WDR11: variants seen among roughly 807,000 people sequenced by gnomAD.
WDR11 encodes WD repeat domain 11, also known as WD repeat-containing protein 11.
In WDR11, 83 loss-of-function variants were observed where a neutral mutation model predicts 151.2. The ratio of observed to expected loss-of-function variants is 0.55; its 90% CI spans 0.46 to 0.66. The LOEUF (loss-of-function observed/expected upper bound fraction) is 0.66, where lower values mean the gene tolerates loss of function less well. WDR11 is among the 30% of genes least tolerant of loss of function. The pLI is 0.00. For synonymous variants in WDR11, 484 were observed against 533.1 expected, an observed-to-expected ratio of 0.91 and a Z score of 1.27; for missense variants, 1,301 against 1,480.9, an observed-to-expected ratio of 0.88 and a Z score of 1.99.
intron 10 of WDR11, among the ~76,000 whole-genome samples, chr10:120,873,402 GACAAA>G (rs1229056868): frequency 6.6e-6 from 1 of 152,266 alleles, no homozygotes; most frequent in South Asian, 2.1e-4. Flanking sequence ...TAATAAAAGA[GACAAA>G]ACAAAAAGAA....
chr10:120,884,542 C>T (rs74158337), intron 14 of WDR11, among the ~76,000 whole-genome samples: 4,028 of 150,422 alleles, frequency 0.027, 209 homozygotes, highest in African/African-American at 0.094. Flanking sequence ...TTGAATATAA[C>T]AAAATACAAA....
At chr10:120,886,668 A>C (rs750161696) in intron 15 of WDR11, 21 bp from the exon 16 acceptor site, 1 of 1,612,242 alleles carries the variant, frequency 6.2e-7, no homozygotes, top group East Asian at 2.2e-5. Context: ...CATCTTTATC[A>C]TATGTTTCAC....
At chr10:120,856,044 C>T (rs1184934258) in intron 2 of WDR11, 2 of 152,170 alleles carry the variant, frequency 1.3e-5, no homozygotes, top group Non-Finnish European at 2.9e-5. Flanking sequence ...CCCTACACTG[C>T]CCCTTGGCAT....
chr10:120,890,524 T>C (rs1250803407), intron 18 of WDR11, among the ~76,000 whole-genome samples, 192 bp from the exon 19 acceptor site: 1 of 152,222 alleles, frequency 6.6e-6, no homozygotes. Context: ...GATTTATTTA[T>C]TTTTTAATAT....
At chr10:120,895,443 C>A (rs1373868921) in intron 19 of WDR11, among the ~76,000 whole-genome samples, 1 of 151,948 alleles carries the variant, frequency 6.6e-6, no homozygotes, top group African/African-American at 2.4e-5. Flanking sequence ...AGATAAGCCT[C>A]ATTTTTCCAA....
At chr10:120,851,540 G>A in intron 1 of WDR11, 34 bp downstream of exon 1, 3 of 1,597,744 alleles carry the variant, frequency 1.9e-6, no homozygotes, top group Non-Finnish European at 2.6e-6. Flanking sequence ...CGCCAGGATC[G>A]GCCAGGAATG....
intron 3 of WDR11, 55 bp downstream of exon 3, chr10:120,858,851 G>T: frequency 6.2e-7 from 1 of 1,607,666 alleles, no homozygotes; most frequent in South Asian, 1.1e-5. Context: ...CTCTTGGAGT[G>T]GTTTTTTGGT....
Position 120,885,914 on chromosome 10 carries a change from G to A in WDR11, c.1949G>A (p.Ser650Asn). 6.2e-7 allele frequency: 1 copy of A among 1,613,722 alleles called. No individual in the cohort carries two copies. Among genetic ancestry groups the A allele is most frequent in the East Asian group, 2.2e-5 (1 of 44,868 alleles). ...RQTVVSDTEL[S>N]IVESSVISLL... ...ACCGTAGTCTCAGACACAGAGCTGAGTATTGTTGAATCATCTGTGATCAGG... is the reference window on the plus strand; with the variant it reads ...ACCGTAGTCTCAGACACAGAGCTGAATATTGTTGAATCATCTGTGATCAGG... Residue 650 changes from serine (S) to asparagine (N), a missense_variant, in exon 15 of 29, where the codon AGT (serine) becomes AAT (asparagine). Ser to Asn is a conservative substitution (Grantham distance 46, BLOSUM62 1). Coordinates refer to ENST00000263461, the MANE Select transcript of WDR11 (RefSeq NM_018117.12).
rs539898695 is a variant in WDR11 at position 120,905,310 on chromosome 10, G to T, written c.3194-9G>T. ...GTGTCACTTAAGGGGATGCGCTTTT[G>T]TCTTTCAGAGGGCGTTCAGTTGCTC... On this transcript the variant is annotated splice_polypyrimidine_tract_variant and intron_variant, in intron 25 of 28. Transcript: ENST00000263461. The T allele has an allele frequency of 6.2e-7, 1 of 1,613,876 alleles. No homozygotes were observed. Among genetic ancestry groups the T allele is most frequent in the African/African-American group, 1.3e-5 (1 of 75,040 alleles).
chr10:120,903,678 C>T (rs965945527), intron 23 of WDR11, among the ~76,000 whole-genome samples: 1 of 152,034 alleles, frequency 6.6e-6, no homozygotes, highest in Non-Finnish European at 1.5e-5. Flanking sequence ...TTTAACTTGG[C>T]TTCATTTTAA....
intron 14 of WDR11, 38 bp from the exon 15 acceptor site, chr10:120,885,776 A>G (rs1405802207): frequency 1.2e-6 from 2 of 1,611,962 alleles, no homozygotes; most frequent in African/African-American, 2.7e-5. Context: ...ACAGAAGGAA[A>G]CCTAGCACTT....
At chr10:120,875,043 C>T (rs1846717492) in intron 11 of WDR11, among the ~76,000 whole-genome samples, 1 of 151,914 alleles carries the variant, frequency 6.6e-6, no homozygotes, top group Admixed American at 6.6e-5. Flanking sequence ...TCAACTCCCA[C>T]TTATGAGTGA....
rs754218379 is a variant in WDR11, at chr10:120,862,774, C to A, written c.566C>A (p.Ser189Tyr). The A allele has an allele frequency of 6.2e-7, 1 of 1,614,144 alleles. No homozygotes were observed. The highest frequency in any genetic ancestry group is 1.7e-5 in the Admixed American group (1 of 60,018). Reference protein sequence around the residue: ...SEGIVFISDFSPSKPPSGPGK... With the variant: ...SEGIVFISDFYPSKPPSGPGK... The stretch of plus-strand genomic sequence containing the variant: ...GGTATTGTTTTCATCTCAGACTTCT[C>A]CCCATCCAAGCCTCCCTCAGGCCCT... The change falls in exon 5 of 29, where the codon TCC becomes TAC. Residue 189 changes from serine (S) to tyrosine (Y), a missense_variant. By Grantham distance (144) the Ser-to-Tyr change is moderately radical. Transcript: ENST00000263461.
chr10:120,905,283 C>T, intron 25 of WDR11, 36 bp from the exon 26 acceptor site: 1 of 1,597,680 alleles, frequency 6.3e-7, no homozygotes, highest in Non-Finnish European at 8.6e-7. Context: ...GAAGGAGCTG[C>T]AGTGTCACTT....
At chr10:120,858,946 C>A (rs753909203) in intron 3 of WDR11, 150 bp downstream of exon 3, 3 of 963,996 alleles carry the variant, frequency 3.1e-6, no homozygotes, top group Non-Finnish European at 4.8e-6. Context: ...TGATCTAAAT[C>A]TGGCTTTCTG....
At chr10:120,887,059 T>G (rs1479652355) in intron 16 of WDR11, among the ~76,000 whole-genome samples, 1 of 152,220 alleles carries the variant, frequency 6.6e-6, no homozygotes, top group Non-Finnish European at 1.5e-5. Flanking sequence ...ATCCCTGTAA[T>G]AATCCATGAG....
At position 120,908,848 on chromosome 10, in the gene WDR11, A is replaced by G. The variant is rs1379889786; in HGVS notation, c.*135A>G. The G allele has an allele frequency of 7.1e-6, 6 of 851,050 alleles. No homozygotes were observed. The highest frequency in any genetic ancestry group is 6.3e-5 in the Admixed American group (3 of 47,812). The allele number at this position is 851,050 out of a possible 1,614,324, so 52.7% of individuals were successfully genotyped here. A position where few individuals can be genotyped will look rare whatever the true frequency, so the allele number is the denominator to read the frequency against. ...GCTGTTTGACCACTGTTCTAAGACT[A>G]TGTGTGCCCAAAAGCACATAAGCAT... On this transcript the variant is annotated 3_prime_UTR_variant, in exon 29 of 29. Coordinates refer to ENST00000263461, the MANE Select transcript of WDR11 (RefSeq NM_018117.12).
intron 2 of WDR11, among the ~76,000 whole-genome samples, chr10:120,854,714 G>A (rs1167341624): frequency 2.0e-5 from 3 of 152,146 alleles, no homozygotes; most frequent in Admixed American, 2.0e-4. Flanking sequence ...GATTCTCATT[G>A]TGGCTTTGGT....
In WDR11 at chr10:120,851,486, C is replaced by CA; in HGVS notation, c.68dup (p.Asn23LysfsTer25). 6.2e-7 allele frequency: 1 copy of CA among 1,611,988 alleles called. No individual in the cohort carries two copies. Among genetic ancestry groups the CA allele is most frequent in the Non-Finnish European group, 8.5e-7 (1 of 1,179,684 alleles). On this transcript the variant is annotated frameshift_variant, in exon 1 of 29. Coordinates refer to ENST00000263461, the MANE Select transcript of WDR11 (RefSeq NM_018117.12). LOFTEE classifies it high-confidence loss of function. The stretch of plus-strand genomic sequence containing the variant: ...CCCTCACGGGGGCCCTCAACGCCCA[C>CA]AACAAGGCGGCGGTGGACTGGTGAG...
Sources: gnomAD v4.1 joint callset for allele counts (sites outside exome capture counted in the v4.1 genomes callset) on GRCh38, gnomAD v4.1.1 for gene constraint, MANE v1.5 for transcripts, NCBI Gene and HGNC (gene_info 2026-07-23, HGNC 2026-07-21) for gene names.